The following DMXL1 variants were observed in gnomAD, a reference collection of about 807,000 sequenced individuals.
DMXL1 encodes the protein dmX-like protein 1.
DMXL1 carries 99 observed loss-of-function variants against 319.2 expected under a neutral mutation model. That is an observed-to-expected ratio of 0.31 (90% CI 0.26 to 0.37). DMXL1 has a LOEUF of 0.37. Ranked by LOEUF, DMXL1 falls within the 10% of genes least tolerant of loss-of-function variation. The pLI is 1.00. For synonymous variants in DMXL1, 1,385 were observed against 1,235.2 expected, an observed-to-expected ratio of 1.12 and a Z score of -2.54; for missense variants, 3,745 against 3,595.6, an observed-to-expected ratio of 1.04 and a Z score of -1.06.
intron 8 of DMXL1, 128 bp from the exon 9 acceptor site, chr5:119,120,843 C>A: frequency 1.5e-6 from 1 of 656,174 alleles, no homozygotes; most frequent in Non-Finnish European, 2.3e-6. Context: ...TGTTAAAAGG[C>A]GTTTTTACAT....
chr5:119,126,086 C>G (rs541683998), intron 9 of DMXL1, among the ~76,000 whole-genome samples: 11 of 152,042 alleles, frequency 7.2e-5, no homozygotes, highest in African/African-American at 2.4e-4. Flanking sequence ...GAATTTGAAA[C>G]CAGCCTGGCC....
chr5:119,218,619 G>C (rs1013749784), intron 35 of DMXL1, among the ~76,000 whole-genome samples: 4 of 152,000 alleles, frequency 2.6e-5, no homozygotes, highest in South Asian at 2.1e-4. Context: ...ACTACACCCA[G>C]CTAATTTTTG....
intron 9 of DMXL1, among the ~76,000 whole-genome samples, chr5:119,124,660 G>T (rs1014586366): frequency 6.6e-6 from 1 of 150,916 alleles, no homozygotes; most frequent in Non-Finnish European, 1.5e-5. Flanking sequence ...CTGCCTCTCG[G>T]GTTCAAGTGA....
intron 13 of DMXL1, among the ~76,000 whole-genome samples, chr5:119,142,108 A>G (rs978391891): frequency 1.3e-5 from 2 of 152,144 alleles, no homozygotes; most frequent in African/African-American, 4.8e-5. Context: ...TACAGAAATC[A>G]ACTCAAAATG....
rs141251979 is a variant in DMXL1 at position 119,205,344 on chromosome 5, C to T, written c.7864-1490C>T. On this transcript the variant is annotated intron_variant, in intron 33 of 43. Transcript: ENST00000539542. ...AGAGTAGTATAGTCAAGCCAGAGTA[C>T]GTAAACATAGCAAATAATAAGTATA... 9.2e-5 allele frequency among the ~76,000 whole-genome samples: 14 copies of T among 152,144 alleles called. No homozygotes were observed. In the East Asian group the frequency reaches 1.3e-3, roughly 15 times the overall value.
intron 2 of DMXL1, among the ~76,000 whole-genome samples, chr5:119,100,401 A>C (rs1328133305): frequency 6.6e-6 from 1 of 151,810 alleles, no homozygotes; most frequent in South Asian, 2.1e-4. Context: ...GTGCCACTGC[A>C]TTTCAACCTG....
chr5:119,114,665 GT>G (rs946483344), intron 6 of DMXL1, 124 bp downstream of exon 6: 28 of 720,674 alleles, frequency 3.9e-5, no homozygotes, highest in Non-Finnish European at 5.1e-5. Flanking sequence ...ATTAAAAATT[GT>G]TTTTTTTGTT....
intron 34 of DMXL1, among the ~76,000 whole-genome samples, chr5:119,212,202 CA>C (rs989206053): frequency 3.3e-5 from 5 of 152,194 alleles, no homozygotes; most frequent in Non-Finnish European, 5.9e-5. Flanking sequence ...CGCTAAACAA[CA>C]GCTCCCCATT....
At chr5:119,136,190 C>G (rs1765957948) in intron 13 of DMXL1, among the ~76,000 whole-genome samples, 2 of 152,212 alleles carry the variant, frequency 1.3e-5, no homozygotes, top group Non-Finnish European at 1.5e-5. Context: ...TGGCCCTGCT[C>G]TAGAGATCTG....
chr5:119,129,076 A>G (rs750204863), intron 9 of DMXL1, 135 bp from the exon 10 acceptor site: 11 of 638,220 alleles, frequency 1.7e-5, no homozygotes, highest in Non-Finnish European at 2.8e-5. Flanking sequence ...AAATCTCAAA[A>G]TAAAATTAAA....
At chr5:119,223,157 A>G (rs779835404) in intron 37 of DMXL1, among the ~76,000 whole-genome samples, 1 of 151,654 alleles carries the variant, frequency 6.6e-6, no homozygotes, top group Middle Eastern at 3.4e-3. Context: ...CACAGGTTCA[A>G]GCAATTCTCC....
chr5:119,151,774 A>T (rs1769854339), intron 18 of DMXL1, among the ~76,000 whole-genome samples, 155 bp from the exon 19 acceptor site: 1 of 152,120 alleles, frequency 6.6e-6, no homozygotes, highest in South Asian at 2.1e-4. Flanking sequence ...TTTTTCTGTA[A>T]TGTAAAATTC....
At chr5:119,161,730 G>T (rs2150208003) in intron 19 of DMXL1, among the ~76,000 whole-genome samples, 1 of 152,300 alleles carries the variant, frequency 6.6e-6, no homozygotes, top group Non-Finnish European at 1.5e-5. Flanking sequence ...ATGTCTACCA[G>T]TCTGGGCGGG....
chr5:119,239,594 A>G lies in DMXL1; in HGVS notation c.8651+514A>G, dbSNP rs145115236. On this transcript the variant is annotated intron_variant, in intron 41 of 43. Coordinates refer to ENST00000539542, the MANE Select transcript of DMXL1 (RefSeq NM_001290321.3). ...CCATATTCAGACTTCATATATTATTATTTGTAAACGCATGTTAATCTAAAG... is the reference window on the plus strand; with the variant it reads ...CCATATTCAGACTTCATATATTATTGTTTGTAAACGCATGTTAATCTAAAG... Among the ~76,000 whole-genome samples, 306 of 152,334 alleles carry G rather than the reference A, an allele frequency of 2.0e-3. 8 individuals are homozygous for G. Among genetic ancestry groups the G allele is most frequent in the Admixed American group, 0.019 (294 of 15,300 alleles).
intron 28 of DMXL1, among the ~76,000 whole-genome samples, chr5:119,189,125 T>C (rs1778265843): frequency 2.0e-5 from 3 of 152,186 alleles, no homozygotes; most frequent in South Asian, 4.1e-4. Context: ...TTATAGAGTG[T>C]TCACAAAATA....
intron 19 of DMXL1, among the ~76,000 whole-genome samples, chr5:119,159,265 T>G (rs1581081052): frequency 6.6e-6 from 1 of 152,144 alleles, no homozygotes; most frequent in Non-Finnish European, 1.5e-5. Flanking sequence ...CCTGAGTAGC[T>G]GGGGTATTTT....
At chr5:119,113,473 C>G (rs1760131349) in intron 5 of DMXL1, among the ~76,000 whole-genome samples, 1 of 152,220 alleles carries the variant, frequency 6.6e-6, no homozygotes, top group Admixed American at 6.5e-5. Context: ...GAACTCCTGA[C>G]CTTGTGGTCT....
chr5:119,209,946 A>T (rs918537963), intron 34 of DMXL1, among the ~76,000 whole-genome samples: 1 of 151,998 alleles, frequency 6.6e-6, no homozygotes, highest in African/African-American at 2.4e-5. Context: ...TTGTCTTTTC[A>T]TTCTGTTTAC....
intron 29 of DMXL1, among the ~76,000 whole-genome samples, chr5:119,191,232 A>G (rs1311258908): frequency 6.6e-6 from 1 of 152,214 alleles, no homozygotes; most frequent in Non-Finnish European, 1.5e-5. Flanking sequence ...GACTGCCTAT[A>G]TAAGTATCTT....
Sources: gnomAD v4.1 joint callset for allele counts (sites outside exome capture counted in the v4.1 genomes callset) on GRCh38, gnomAD v4.1.1 for gene constraint, MANE v1.5 for transcripts, NCBI Gene and HGNC (gene_info 2026-07-23, HGNC 2026-07-21) for gene names.